Variants in LRIF1 observed in about 807,000 individuals in gnomAD.
LRIF1 encodes the protein ligand-dependent nuclear receptor-interacting factor 1.
Under a neutral mutation model 52.7 loss-of-function variants are expected in LRIF1, and 32 were observed. The ratio of observed to expected loss-of-function variants is 0.61; its 90% CI spans 0.46 to 0.82. LRIF1 has a LOEUF of 0.82. Ranked by LOEUF, LRIF1 falls within the 40% of genes least tolerant of loss-of-function variation. The pLI, the probability that LRIF1 is intolerant of heterozygous loss-of-function variation, is 0.00. For missense variants in LRIF1, 887 were observed against 892.0 expected (o/e 0.99, Z 0.07); for synonymous variants, 323 against 317.4 (o/e 1.02, Z -0.19).
At chr1:110,908,152 A>T in the LRIF1 span, among the ~76,000 whole-genome samples, 1 of 152,260 alleles carries the variant, frequency 6.6e-6, no homozygotes, top group Non-Finnish European at 1.5e-5. Flanking sequence ...GCAATTCGTA[A>T]ATCAATTTCA....
the LRIF1 span, among the ~76,000 whole-genome samples, chr1:110,882,820 T>A: frequency 6.6e-6 from 1 of 152,078 alleles, no homozygotes; most frequent in African/African-American, 2.4e-5. Context: ...TCATATATGA[T>A]GCTATTGTAA....
chr1:110,890,286 G>T, the LRIF1 span, among the ~76,000 whole-genome samples: 1 of 152,128 alleles, frequency 6.6e-6, no homozygotes. Flanking sequence ...CAAAATTCTG[G>T]CCAGGTGCGG....
At chr1:110,963,451 G>A in intron 1 of LRIF1, 170 bp downstream of exon 1, 1 of 499,506 alleles carries the variant, frequency 2.0e-6, no homozygotes, top group Non-Finnish European at 3.7e-6. Context: ...CCAGAGGAAA[G>A]CGCTCTATGG....
At chr1:110,889,846 A>G in the LRIF1 span, among the ~76,000 whole-genome samples, 1 of 152,220 alleles carries the variant, frequency 6.6e-6, no homozygotes, top group African/African-American at 2.4e-5. Context: ...CTTCTGATAT[A>G]TATTCAAATG....
chr1:110,920,229 G>C, the LRIF1 span, among the ~76,000 whole-genome samples: 2 of 152,156 alleles, frequency 1.3e-5, no homozygotes. Context: ...TGTTCATACA[G>C]AAACCTGCAT....
At chr1:110,879,704 G>C in the LRIF1 span, among the ~76,000 whole-genome samples, 5 of 152,074 alleles carry the variant, frequency 3.3e-5, no homozygotes, top group Non-Finnish European at 7.4e-5. Flanking sequence ...TGAAGATGAA[G>C]AACTGATAGA....
the LRIF1 span, among the ~76,000 whole-genome samples, chr1:110,900,411 G>A: frequency 6.6e-6 from 1 of 152,152 alleles, no homozygotes; most frequent in Non-Finnish European, 1.5e-5. Context: ...TTGTCACATA[G>A]GCTGGAGTGC....
chr1:110,927,287 C>T, the LRIF1 span, among the ~76,000 whole-genome samples: 1 of 152,052 alleles, frequency 6.6e-6, no homozygotes, highest in Non-Finnish European at 1.5e-5. Context: ...GTAATTTGCT[C>T]CAGGGATCTG....
intron 1 of LRIF1, among the ~76,000 whole-genome samples, chr1:110,954,531 T>C (rs1658616016): frequency 6.6e-6 from 1 of 152,190 alleles, no homozygotes; most frequent in Non-Finnish European, 1.5e-5. Context: ...AAAAGTTAAC[T>C]TCTAAAGAGA....
the LRIF1 span, among the ~76,000 whole-genome samples, chr1:110,902,150 AT>A: frequency 6.6e-6 from 1 of 152,232 alleles, no homozygotes; most frequent in South Asian, 2.1e-4. Flanking sequence ...CCAAAGTAAT[AT>A]TTCTAAAACA....
the LRIF1 span, among the ~76,000 whole-genome samples, chr1:110,911,367 T>C: frequency 6.6e-6 from 1 of 152,124 alleles, no homozygotes; most frequent in African/African-American, 2.4e-5. Context: ...TTAAAATCCC[T>C]ATCAACCAGA....
chr1:110,939,327 G>A, the LRIF1 span: 1 of 140,158 alleles, frequency 7.1e-6, no homozygotes, highest in Non-Finnish European at 1.5e-5. Flanking sequence ...GCAGTGAGCC[G>A]AGATCGCGCC....
the LRIF1 span, among the ~76,000 whole-genome samples, chr1:110,919,006 T>TTA: frequency 6.6e-6 from 1 of 152,198 alleles, no homozygotes; most frequent in Non-Finnish European, 1.5e-5. Context: ...TAGACATAGC[T>TTA]TAGGTCAGCC....
chr1:110,960,037 T>C (rs1658882920), intron 1 of LRIF1, among the ~76,000 whole-genome samples: 1 of 152,166 alleles, frequency 6.6e-6, no homozygotes. Flanking sequence ...CAATAATATG[T>C]ACCATGTATT....
At chr1:110,889,555 CAAATAAAT>C in the LRIF1 span, among the ~76,000 whole-genome samples, 590 of 146,338 alleles carry the variant, frequency 4.0e-3, 3 homozygotes, top group Non-Finnish European at 5.1e-3. Context: ...AAAACTCCGT[CAAATAAAT>C]AAATAAATAA....
chr1:110,915,471 G>A, the LRIF1 span, among the ~76,000 whole-genome samples: 1 of 150,978 alleles, frequency 6.6e-6, no homozygotes, highest in African/African-American at 2.5e-5. Context: ...CTGGGCGACA[G>A]AGCGAGACTC....
At chr1:110,917,127 T>A in the LRIF1 span, among the ~76,000 whole-genome samples, 89 of 152,328 alleles carry the variant, frequency 5.8e-4, 2 homozygotes, top group African/African-American at 2.1e-3. Flanking sequence ...CAGGTTCTCC[T>A]ACTCCTGAGC....
At chr1:110,893,940 C>A in the LRIF1 span, among the ~76,000 whole-genome samples, 1 of 152,224 alleles carries the variant, frequency 6.6e-6, no homozygotes, top group Non-Finnish European at 1.5e-5. Flanking sequence ...AGCAGTCCTC[C>A]ACCCAGAGGT....
At chr1:110,957,827 C>T (rs1489263762) in intron 1 of LRIF1, among the ~76,000 whole-genome samples, 1 of 152,154 alleles carries the variant, frequency 6.6e-6, no homozygotes, top group Non-Finnish European at 1.5e-5. Context: ...TGCATATGTC[C>T]TTACAAAAGG....
Sources: allele counts gnomAD v4.1 joint callset (sites outside exome capture counted in the v4.1 genomes callset), GRCh38; gene constraint gnomAD v4.1.1; transcripts MANE v1.5; gene names NCBI Gene and HGNC (gene_info 2026-07-23, HGNC 2026-07-21).